Variants in PRKCA observed in about 807,000 individuals in gnomAD.
PRKCA encodes protein kinase C alpha type.
Under a neutral mutation model 87.0 loss-of-function variants are expected in PRKCA, and 27 were observed. The observed-to-expected ratio is 0.31, with a 90% CI of 0.23 to 0.43. The LOEUF (loss-of-function observed/expected upper bound fraction) is 0.43, where lower values mean the gene tolerates loss of function less well. Ranked by LOEUF, PRKCA falls within the 20% of genes least tolerant of loss-of-function variation. The pLI, the probability that PRKCA is intolerant of heterozygous loss-of-function variation, is 1.00. For missense variants in PRKCA, 518 were observed against 852.3 expected (o/e 0.61, Z 4.88); for synonymous variants, 329 against 311.1 (o/e 1.06, Z -0.61).
Position 66,569,075 on chromosome 17 carries a change from G to A in PRKCA, c.289-72280G>A, listed in dbSNP as rs546416581. ...TAGACCTAATTGTAAAACAATAAAT[G>A]TTCTAGAAAATGACAGAGAACATGT... On this transcript the variant is annotated intron_variant, in intron 3 of 16. Coordinates refer to ENST00000413366, the MANE Select transcript of PRKCA (RefSeq NM_002737.3). 4.6e-5 allele frequency among the ~76,000 whole-genome samples: 7 copies of A among 152,164 alleles called. No homozygotes were observed. In the South Asian group the frequency reaches 1.2e-3, roughly 27 times the overall value.
chr17:66,552,040 G>A (rs573286910), intron 3 of PRKCA, among the ~76,000 whole-genome samples: 29 of 152,276 alleles, frequency 1.9e-4, no homozygotes, highest in South Asian at 1.9e-3. Flanking sequence ...ACTCATGCCC[G>A]TAATCCCAGC....
chr17:66,561,872 A>G (rs1429203977), intron 3 of PRKCA, among the ~76,000 whole-genome samples: 1 of 151,864 alleles, frequency 6.6e-6, no homozygotes, highest in Admixed American at 6.6e-5. Context: ...GGCAAGTATA[A>G]TGATGGCTGC....
intron 3 of PRKCA, among the ~76,000 whole-genome samples, chr17:66,602,494 G>C (rs1307543647): frequency 6.6e-6 from 1 of 151,714 alleles, no homozygotes; most frequent in Non-Finnish European, 1.5e-5. Flanking sequence ...GATGAACCCG[G>C]TACCTCAGAT....
intron 3 of PRKCA, among the ~76,000 whole-genome samples, chr17:66,514,826 A>C (rs1398272498): frequency 1.3e-5 from 2 of 152,034 alleles, no homozygotes; most frequent in Non-Finnish European, 2.9e-5. Context: ...CATTTACATC[A>C]TCTTGGCCAG....
At chr17:66,614,263 A>T (rs1250622071) in intron 3 of PRKCA, among the ~76,000 whole-genome samples, 2 of 152,180 alleles carry the variant, frequency 1.3e-5, no homozygotes, top group Admixed American at 6.5e-5. Flanking sequence ...GTAGATTTTC[A>T]TGTATGCTAC....
intron 3 of PRKCA, chr17:66,640,790 T>C: frequency 3.0e-6 from 1 of 330,494 alleles, no homozygotes; most frequent in South Asian, 2.3e-5. Flanking sequence ...GCTCCAGAAG[T>C]AATAGCTTTG....
chr17:66,765,446 A>ATATC (rs1473485014), intron 13 of PRKCA, among the ~76,000 whole-genome samples: 2 of 138,454 alleles, frequency 1.4e-5, no homozygotes, highest in African/African-American at 5.4e-5. Context: ...ATATATATAT[A>ATATC]TATATATATC....
intron 2 of PRKCA, among the ~76,000 whole-genome samples, chr17:66,314,728 C>T (rs993530344): frequency 2.0e-5 from 3 of 152,094 alleles, no homozygotes; most frequent in East Asian, 3.9e-4. Context: ...GGGGATGGGT[C>T]AATGAGGGTC....
intron 2 of PRKCA, among the ~76,000 whole-genome samples, chr17:66,459,817 T>A (rs1914765379): frequency 6.6e-6 from 1 of 152,194 alleles, no homozygotes; most frequent in South Asian, 2.1e-4. Context: ...CTTTCTGATC[T>A]TTTTACTTTT....
At chr17:66,429,040 A>G (rs1012286986) in intron 2 of PRKCA, among the ~76,000 whole-genome samples, 1 of 152,104 alleles carries the variant, frequency 6.6e-6, no homozygotes, top group East Asian at 1.9e-4. Flanking sequence ...GATAAAGAAC[A>G]CCTTTTTTGT....
chr17:66,414,839 T>G (rs142564803), intron 2 of PRKCA: 1 of 152,324 alleles, frequency 6.6e-6, no homozygotes, highest in African/African-American at 2.4e-5. Context: ...GGAGACTTAC[T>G]TCATAGTAAG....
intron 12 of PRKCA, 40 bp downstream of exon 12, chr17:66,741,761 G>T: frequency 6.3e-7 from 1 of 1,591,960 alleles, no homozygotes; most frequent in Non-Finnish European, 8.6e-7. Flanking sequence ...TCAGCAGAGA[G>T]GTTAGCTGGG....
At chr17:66,785,399 AC>A (rs1182431817) in intron 14 of PRKCA, among the ~76,000 whole-genome samples, 2 of 152,138 alleles carry the variant, frequency 1.3e-5, no homozygotes, top group Non-Finnish European at 2.9e-5. Context: ...TCACTGTGTG[AC>A]CTGCCCGTGT....
intron 2 of PRKCA, among the ~76,000 whole-genome samples, chr17:66,458,999 T>G (rs1242487498): frequency 6.6e-6 from 1 of 152,006 alleles, no homozygotes; most frequent in Non-Finnish European, 1.5e-5. Context: ...AGTAACTTGA[T>G]TAAGTTTACC....
At chr17:66,304,795 A>G (rs566047252) in intron 1 of PRKCA, among the ~76,000 whole-genome samples, 1 of 152,352 alleles carries the variant, frequency 6.6e-6, no homozygotes, top group South Asian at 2.1e-4. Context: ...GACTGTGCTC[A>G]AAGGAGTAGG....
At chr17:66,686,681 C>G (rs911374992) in intron 5 of PRKCA, among the ~76,000 whole-genome samples, 1 of 152,100 alleles carries the variant, frequency 6.6e-6, no homozygotes, top group African/African-American at 2.4e-5. Context: ...AGCTCAGGTG[C>G]GTGTGTGGCA....
intron 14 of PRKCA, among the ~76,000 whole-genome samples, chr17:66,785,544 G>A (rs1389887979): frequency 6.6e-6 from 1 of 152,172 alleles, no homozygotes; most frequent in Non-Finnish European, 1.5e-5. Context: ...CAAAGGGGGA[G>A]CATTACGGAA....
chr17:66,353,545 G>A (rs539003875), intron 2 of PRKCA, among the ~76,000 whole-genome samples: 11 of 152,190 alleles, frequency 7.2e-5, no homozygotes, highest in East Asian at 3.9e-4. Flanking sequence ...GTGAAACCCC[G>A]TCTCTACTAA....
intron 3 of PRKCA, among the ~76,000 whole-genome samples, chr17:66,578,843 T>TG (rs1201718240): frequency 1.3e-5 from 2 of 152,216 alleles, no homozygotes; most frequent in Non-Finnish European, 2.9e-5. Flanking sequence ...CGGGCCCCCT[T>TG]GCACTGTGGA....
Sources: gnomAD v4.1 joint callset for allele counts (sites outside exome capture counted in the v4.1 genomes callset) on GRCh38, gnomAD v4.1.1 for gene constraint, MANE v1.5 for transcripts, NCBI Gene and HGNC (gene_info 2026-07-23, HGNC 2026-07-21) for gene names.